Variants in CNTN5 observed in about 807,000 individuals in gnomAD.
CNTN5 encodes the protein contactin 5, also known as contactin-5.
Under a neutral mutation model 129.1 loss-of-function variants are expected in CNTN5, and 77 were observed. That is an observed-to-expected ratio of 0.60 (90% CI 0.50 to 0.72). The LOEUF is 0.72. CNTN5 is among the 30% of genes least tolerant of loss of function. CNTN5 has a pLI of 0.00. For missense variants in CNTN5, 1,478 were observed against 1,328.8 expected (o/e 1.11, Z -1.75); for synonymous variants, 509 against 465.6 (o/e 1.09, Z -1.20).
intron 24 of CNTN5, 101 bp from the exon 25 acceptor site, chr11:100,356,016 A>C: frequency 1.4e-6 from 1 of 722,308 alleles, no homozygotes. Flanking sequence ...CAGAAACAGG[A>C]GCGATCTTGC....
intron 8 of CNTN5, among the ~76,000 whole-genome samples, chr11:99,982,829 T>G (rs764018410): frequency 6.6e-5 from 10 of 152,004 alleles, no homozygotes; most frequent in Non-Finnish European, 1.2e-4. Flanking sequence ...TTTTAGTAGA[T>G]ACGGGGTTTC....
At chr11:99,884,407 A>T (rs1948845756) in intron 6 of CNTN5, among the ~76,000 whole-genome samples, 1 of 152,216 alleles carries the variant, frequency 6.6e-6, no homozygotes, top group Non-Finnish European at 1.5e-5. Context: ...GACCAAAGAG[A>T]TTTGAAAAAT....
chr11:100,105,400 T>A (rs1233660089), intron 13 of CNTN5, among the ~76,000 whole-genome samples: 1 of 152,194 alleles, frequency 6.6e-6, no homozygotes, highest in Non-Finnish European at 1.5e-5. Flanking sequence ...CAAGAACTTC[T>A]GTGAGACTTC....
At chr11:99,980,819 T>C (rs1398902615) in intron 8 of CNTN5, among the ~76,000 whole-genome samples, 1 of 152,000 alleles carries the variant, frequency 6.6e-6, no homozygotes, top group Non-Finnish European at 1.5e-5. Flanking sequence ...GATTCTTTTA[T>C]GAAAGTGAAA....
At chr11:99,849,521 C>T (rs538636981) in intron 6 of CNTN5, among the ~76,000 whole-genome samples, 6 of 152,006 alleles carry the variant, frequency 3.9e-5, no homozygotes, top group South Asian at 2.1e-4. Flanking sequence ...ATAGATTTAC[C>T]TGCTTTTCAA....
chr11:100,189,952 T>A (rs1224178789), intron 13 of CNTN5, among the ~76,000 whole-genome samples: 2 of 152,274 alleles, frequency 1.3e-5, no homozygotes, highest in East Asian at 3.9e-4. Context: ...AATGAAAATA[T>A]GTAAGTATAA....
intron 3 of CNTN5, among the ~76,000 whole-genome samples, chr11:99,806,351 A>T (rs1946269227): frequency 6.6e-6 from 1 of 152,180 alleles, no homozygotes; most frequent in Non-Finnish European, 1.5e-5. Flanking sequence ...GAAGTGTGTC[A>T]GCTAATATGA....
intron 1 of CNTN5, among the ~76,000 whole-genome samples, chr11:99,071,264 G>T (rs929880858): frequency 6.6e-6 from 1 of 152,084 alleles, no homozygotes; most frequent in African/African-American, 2.4e-5. Context: ...GCTCCAAACA[G>T]AGGTTTTTTT....
At chr11:99,104,646 A>AG (rs1565320441) in intron 1 of CNTN5, among the ~76,000 whole-genome samples, 1 of 122,442 alleles carries the variant, frequency 8.2e-6, no homozygotes, top group African/African-American at 3.6e-5. Flanking sequence ...ACACACGTGT[A>AG]TATATATATA....
Position 99,329,070 on chromosome 11 carries a change from C to T in CNTN5, c.-71+3586C>T, listed in dbSNP as rs75538536. On this transcript the variant is annotated intron_variant, in intron 2 of 24. Coordinates refer to ENST00000524871, the MANE Select transcript of CNTN5 (RefSeq NM_014361.4). ...GGACGGGGTGGTTCAAGTTGGATAT[C>T]GATGGATTATTTTCATTATCAGCCT... Among the ~76,000 whole-genome samples the T allele has an allele frequency of 8.6e-4, 131 of 152,010 alleles. No individual in the cohort carries two copies. In the East Asian group the frequency reaches 0.024, roughly 28 times the overall value.
At chr11:100,192,452 C>T (rs1948521336) in intron 14 of CNTN5, among the ~76,000 whole-genome samples, 1 of 151,940 alleles carries the variant, frequency 6.6e-6, no homozygotes, top group Admixed American at 6.6e-5. Context: ...TTCTCAGTGA[C>T]TGCATAGAAG....
At chr11:99,777,091 GATT>G (rs1945149584) in intron 3 of CNTN5, among the ~76,000 whole-genome samples, 1 of 151,736 alleles carries the variant, frequency 6.6e-6, no homozygotes, top group African/African-American at 2.4e-5. Context: ...AGCCATATTT[GATT>G]ATTATTATAA....
intron 3 of CNTN5, among the ~76,000 whole-genome samples, chr11:99,767,187 C>A (rs1406769921): frequency 2.0e-5 from 3 of 151,970 alleles, no homozygotes; most frequent in African/African-American, 7.2e-5. Flanking sequence ...GCATGTATAA[C>A]ATATATGCAC....
chr11:99,258,734 T>C (rs895095888), intron 1 of CNTN5, among the ~76,000 whole-genome samples: 1 of 151,854 alleles, frequency 6.6e-6, no homozygotes, highest in Non-Finnish European at 1.5e-5. Flanking sequence ...TTTTTGCTAG[T>C]TGGGGTTACA....
intron 1 of CNTN5, among the ~76,000 whole-genome samples, chr11:99,142,096 A>C (rs749765746): frequency 1.9e-4 from 29 of 151,856 alleles, no homozygotes; most frequent in Admixed American, 1.3e-4. Context: ...TCAGTTCAGC[A>C]CTCCTGGGCA....
chr11:100,242,657 G>A (rs999460682), intron 16 of CNTN5, among the ~76,000 whole-genome samples: 4 of 152,168 alleles, frequency 2.6e-5, no homozygotes, highest in African/African-American at 9.7e-5. Flanking sequence ...CAGCACCAAG[G>A]GGGATGGTGT....
rs555392306 is a variant in CNTN5, at chr11:99,141,212, G to T, written c.-210+119942G>T. ...ATTCAAGGTTTCAGTTTTTTTATTGGTTCAACCTTGGGAAGTTATGTATTT... is the reference window on the plus strand; with the variant it reads ...ATTCAAGGTTTCAGTTTTTTTATTGTTTCAACCTTGGGAAGTTATGTATTT... On this transcript the variant is annotated intron_variant, in intron 1 of 24. Coordinates refer to ENST00000524871, the MANE Select transcript of CNTN5 (RefSeq NM_014361.4). Among the ~76,000 whole-genome samples, 18 of 151,894 alleles carry T rather than the reference G, an allele frequency of 1.2e-4. No individual in the cohort carries two copies. The East Asian group carries it at 3.1e-3, about 26-fold the overall frequency.
At chr11:99,731,582 T>A (rs1318951925) in intron 3 of CNTN5, among the ~76,000 whole-genome samples, 1 of 152,110 alleles carries the variant, frequency 6.6e-6, no homozygotes, top group African/African-American at 2.4e-5. Context: ...CAGAAATATA[T>A]TTTTTTAACA....
intron 1 of CNTN5, among the ~76,000 whole-genome samples, chr11:99,264,805 A>T (rs1862810256): frequency 6.6e-6 from 1 of 152,096 alleles, no homozygotes; most frequent in Non-Finnish European, 1.5e-5. Flanking sequence ...TTCTGCAGTA[A>T]ACTAAAATTT....
Sources: gnomAD v4.1 joint callset for allele counts (sites outside exome capture counted in the v4.1 genomes callset) on GRCh38, gnomAD v4.1.1 for gene constraint, MANE v1.5 for transcripts, NCBI Gene and HGNC (gene_info 2026-07-23, HGNC 2026-07-21) for gene names.